Variants in RHOU observed in about 807,000 individuals in gnomAD.
RHOU encodes rho-related GTP-binding protein RhoU.
In RHOU, 8 loss-of-function variants were observed where a neutral mutation model predicts 12.6. The ratio of observed to expected loss-of-function variants is 0.64; its 90% CI spans 0.37 to 1.15. RHOU has a LOEUF of 1.15. Among genes scored for constraint, RHOU ranks in the 50% most tolerant of loss-of-function variants. The pLI is 0.01. For missense variants in RHOU, 258 were observed against 347.0 expected (o/e 0.74, Z 2.04); for synonymous variants, 161 against 147.4 (o/e 1.09, Z -0.67).
chr1:228,702,110 G>A, the RHOU span, among the ~76,000 whole-genome samples: 2 of 151,848 alleles, frequency 1.3e-5, no homozygotes, highest in African/African-American at 2.4e-5. Context: ...TTAAATTTAT[G>A]TTTAATAATT....
At chr1:228,686,002 T>C in the RHOU span, among the ~76,000 whole-genome samples, 1 of 152,224 alleles carries the variant, frequency 6.6e-6, no homozygotes, top group African/African-American at 2.4e-5. Context: ...GACATCTTAT[T>C]ATATGAAGAT....
chr1:228,660,414 A>G, the RHOU span, among the ~76,000 whole-genome samples: 1 of 151,992 alleles, frequency 6.6e-6, no homozygotes, highest in Admixed American at 6.6e-5. Context: ...ACTAATATTA[A>G]TCCTTCTTAA....
chr1:228,705,814 C>T, the RHOU span, among the ~76,000 whole-genome samples: 348 of 152,214 alleles, frequency 2.3e-3, 1 homozygote, highest in South Asian at 0.015. Flanking sequence ...GAGGCCGAGA[C>T]GGGCAGATCA....
rs143477568 is a variant in RHOU, at chr1:228,737,798, T to C, written c.321+67T>C. On this transcript the variant is annotated intron_variant, in intron 2 of 2. Transcript: ENST00000366691. The surrounding 1 kb of genome is among the most constrained non-coding windows in gnomAD (Gnocchi z 4.1). ...CCTTTTAAAGATTTCCAAATAACCT[T>C]TGATTCCCTCAGTCAGTAACTGGGT... 12 of 1,524,740 alleles carry C rather than the reference T, an allele frequency of 7.9e-6. No individual in the cohort carries two copies. In the African/African-American group the frequency reaches 1.4e-4, roughly 17 times the overall value. 94.5% of individuals were successfully genotyped at this position (1,524,740 alleles called of 1,614,324 possible).
the RHOU span, among the ~76,000 whole-genome samples, chr1:228,676,247 A>G: frequency 3.3e-5 from 5 of 152,002 alleles, no homozygotes. Context: ...CTGAGATTAC[A>G]GGTGTGAGCC....
chr1:228,708,118 A>C, the RHOU span, among the ~76,000 whole-genome samples: 3 of 152,200 alleles, frequency 2.0e-5, no homozygotes, highest in African/African-American at 7.2e-5. Context: ...AAAAAGAATA[A>C]AAAGAAACGA....
chr1:228,722,171 G>C, the RHOU span, among the ~76,000 whole-genome samples: 1 of 152,220 alleles, frequency 6.6e-6, no homozygotes, highest in African/African-American at 2.4e-5. Flanking sequence ...TAAGGTGCTA[G>C]GTACCTGTAT....
chr1:228,666,776 G>T, the RHOU span, among the ~76,000 whole-genome samples: 1 of 152,160 alleles, frequency 6.6e-6, no homozygotes, highest in South Asian at 2.1e-4. Context: ...AAAATTTATT[G>T]TGCTTTTGGA....
At chr1:228,699,598 G>A in the RHOU span, among the ~76,000 whole-genome samples, 2 of 151,820 alleles carry the variant, frequency 1.3e-5, no homozygotes, top group Non-Finnish European at 2.9e-5. Flanking sequence ...ATGAGAAGAG[G>A]ATCTGATTGT....
chr1:228,646,482 A>G, the RHOU span, among the ~76,000 whole-genome samples: 140 of 80,054 alleles, frequency 1.7e-3, 2 homozygotes, highest in Middle Eastern at 0.028. Context: ...CCACCCACCC[A>G]GAGCCGTCAG....
the RHOU span, among the ~76,000 whole-genome samples, chr1:228,654,114 A>ATTT: frequency 9.7e-4 from 142 of 146,634 alleles, no homozygotes; most frequent in South Asian, 4.8e-3. Context: ...AAACTAGCTG[A>ATTT]TTTTTTTTTT....
At chr1:228,711,504 G>C in the RHOU span, among the ~76,000 whole-genome samples, 8 of 151,606 alleles carry the variant, frequency 5.3e-5, no homozygotes, top group Admixed American at 4.6e-4. Context: ...AAATAACGCC[G>C]CATATCTACA....
At chr1:228,721,576 GGGT>G in the RHOU span, among the ~76,000 whole-genome samples, 1 of 152,176 alleles carries the variant, frequency 6.6e-6, no homozygotes, top group Non-Finnish European at 1.5e-5. Flanking sequence ...CAGATCCAGT[GGGT>G]GTGCTGGACA....
chr1:228,727,966 A>G, the RHOU span, among the ~76,000 whole-genome samples: 1 of 149,992 alleles, frequency 6.7e-6, no homozygotes, highest in Non-Finnish European at 1.5e-5. Flanking sequence ...TGGGGAGGGA[A>G]GTTGGAAATG....
chr1:228,699,124 C>G, the RHOU span, among the ~76,000 whole-genome samples: 17 of 150,270 alleles, frequency 1.1e-4, no homozygotes. Flanking sequence ...AAAATATACT[C>G]TGGCATAATG....
At chr1:228,662,431 C>A in the RHOU span, among the ~76,000 whole-genome samples, 2 of 152,106 alleles carry the variant, frequency 1.3e-5, no homozygotes, top group Admixed American at 1.3e-4. Context: ...GGAACCAACC[C>A]AAATGTCCAT....
chr1:228,657,935 T>C, the RHOU span, among the ~76,000 whole-genome samples: 1 of 152,200 alleles, frequency 6.6e-6, no homozygotes. Context: ...ATGGTCTGAA[T>C]GTCCCCCAAA....
intron 2 of RHOU, among the ~76,000 whole-genome samples, chr1:228,741,094 GA>G (rs72496488): frequency 0.025 from 3,643 of 147,254 alleles, 149 homozygotes; most frequent in African/African-American, 0.084. Flanking sequence ...ATCTTATACT[GA>G]AAAAAAAAAA....
upstream of RHOU, among the ~76,000 whole-genome samples, chr1:228,732,460 GGTAAA>G (rs1662515604): frequency 6.6e-6 from 1 of 152,126 alleles, no homozygotes; most frequent in Non-Finnish European, 1.5e-5. Flanking sequence ...CGTAAAAAGG[GGTAAA>G]GTAAAGGCAT....
Sources: gnomAD v4.1 joint callset for allele counts (sites outside exome capture counted in the v4.1 genomes callset) on GRCh38, gnomAD v4.1.1 for gene constraint, Gnocchi (gnomAD v3.1) non-coding constraint, MANE v1.5 for transcripts, NCBI Gene and HGNC (gene_info 2026-07-23, HGNC 2026-07-21) for gene names.